Variants in TANC2 observed in about 807,000 individuals in gnomAD.
The protein encoded by TANC2 is protein TANC2.
A neutral mutation model predicts 210.5 loss-of-function variants in TANC2; 26 were observed. The observed-to-expected ratio is 0.12, with a 90% CI of 0.09 to 0.17. The LOEUF (loss-of-function observed/expected upper bound fraction) is 0.17. Ranked by LOEUF, TANC2 falls within the 10% of genes least tolerant of loss-of-function variation. TANC2 has a pLI of 1.00. For synonymous variants in TANC2, 931 were observed against 967.1 expected, an observed-to-expected ratio of 0.96 and a Z score of 0.69; for missense variants, 2,129 against 2,608.9, an observed-to-expected ratio of 0.82 and a Z score of 4.01.
In TANC2 at chr17:63,372,162, C is replaced by G. The variant is rs981527639; in HGVS notation, c.2583-7556C>G. On this transcript the variant is annotated intron_variant, in intron 14 of 27. Transcript: ENST00000689528. ...AGATTTACTATCCTCCTGAAAACCTCTGGTCTACATGAGAAATTTATATTC... is the reference window on the plus strand; with the variant it reads ...AGATTTACTATCCTCCTGAAAACCTGTGGTCTACATGAGAAATTTATATTC... 2.6e-5 allele frequency among the ~76,000 whole-genome samples: 4 copies of G among 152,214 alleles called. No individual in the cohort carries two copies. The East Asian group carries it at 7.7e-4, about 29-fold the overall frequency.
At chr17:63,318,318 A>C (rs2045379568) in intron 10 of TANC2, among the ~76,000 whole-genome samples, 1 of 152,234 alleles carries the variant, frequency 6.6e-6, no homozygotes, top group Non-Finnish European at 1.5e-5. Flanking sequence ...AAAAAATCTT[A>C]AAACAGTTTT....
At position 63,190,502 on chromosome 17, in the gene TANC2, C is replaced by G. The variant is rs76661716; in HGVS notation, c.434-3489C>G. Among the ~76,000 whole-genome samples, 1,504 of 152,134 alleles carry G rather than the reference C, an allele frequency of 9.9e-3. 34 individuals are homozygous for G. The highest frequency in any genetic ancestry group is 0.034 in the African/African-American group (1,431 of 41,500). Reference sequence around the variant, plus strand: ...ATGTGAGTCTTCCAACTCTGTTCTTCTTTTTAAAGGTTGTTTTTTAATTTT... The same window carrying G: ...ATGTGAGTCTTCCAACTCTGTTCTTGTTTTTAAAGGTTGTTTTTTAATTTT... On this transcript the variant is annotated intron_variant, in intron 5 of 27. Coordinates refer to ENST00000689528, the Ensembl canonical transcript of TANC2.
intron 4 of TANC2, chr17:63,150,931 A>G (rs774968906): frequency 1.3e-5 from 2 of 152,180 alleles, no homozygotes; most frequent in Admixed American, 1.3e-4. Context: ...AAGGTAACAG[A>G]CAATCACAAT....
At position 63,420,312 on chromosome 17, in the gene TANC2, C is replaced by G; in HGVS notation, c.4582C>G (p.Pro1528Ala). The G allele has an allele frequency of 1.9e-6, 3 of 1,613,848 alleles. No homozygotes were observed. Among genetic ancestry groups the G allele is most frequent in the Non-Finnish European group, 1.7e-6 (2 of 1,179,852 alleles). ...GGGGCTCCCGGTCATCCAGAGCCCA[C>G]CCTCCTCTCCCCCGCATCGGGACTC... is the stretch of plus-strand genomic sequence containing the variant. The change falls in exon 28 of 28, where the codon CCC (proline) becomes GCC (alanine). Residue 1528 changes from proline to alanine, a missense_variant. Pro to Ala is a conservative substitution (Grantham distance 27). This residue lies in a region of TANC2 where 584 missense variants were observed against 627.3 expected (regional missense o/e 0.93). Transcript: ENST00000689528. The surrounding 1 kb of genome is among the most constrained non-coding windows in gnomAD (Gnocchi z 4.2).
chr17:62,992,787 A>C (rs564273742), intron 1 of TANC2, among the ~76,000 whole-genome samples: 108 of 152,196 alleles, frequency 7.1e-4, no homozygotes, highest in Middle Eastern at 3.2e-3. Flanking sequence ...CTACTATTAT[A>C]ATTTGTTTCC....
intron 9 of TANC2, 78 bp downstream of exon 9, chr17:63,267,951 C>T: frequency 6.7e-7 from 1 of 1,492,872 alleles, no homozygotes; most frequent in East Asian, 2.4e-5. Flanking sequence ...GCTTTGTCTC[C>T]TATTCCCATA....
rs182678253 is a variant in TANC2 at position 63,396,122 on chromosome 17, T to C, written c.3237+194T>C. The C allele has an allele frequency of 5.0e-5, 29 of 579,044 alleles. No individual in the cohort carries two copies. The Admixed American group carries it at 6.4e-4, about 13-fold the overall frequency. The allele number at this position is 579,044 out of a possible 1,614,324, so 35.9% of individuals were successfully genotyped here. ...GCCAAAGTCCCTCAAATTATAGGTA[T>C]AGAAAGGTGCGAGTTGGAAAGGACC... is the stretch of plus-strand genomic sequence containing the variant. On this transcript the variant is annotated intron_variant, in intron 18 of 27. Transcript: ENST00000689528.
chr17:63,054,929 T>C (rs1179982623), intron 2 of TANC2, among the ~76,000 whole-genome samples: 2 of 152,154 alleles, frequency 1.3e-5, no homozygotes, highest in Non-Finnish European at 2.9e-5. Context: ...TATTTTAGTT[T>C]CTAGAGTATT....
chr17:63,113,020 A>C (rs146665672), intron 4 of TANC2, among the ~76,000 whole-genome samples: 4 of 152,290 alleles, frequency 2.6e-5, no homozygotes, highest in African/African-American at 9.6e-5. Context: ...CCTGCTATGG[A>C]ATGTGAGCAG....
At chr17:63,102,117 A>G (rs113059933) in intron 4 of TANC2, among the ~76,000 whole-genome samples, 183 of 152,258 alleles carry the variant, frequency 1.2e-3, no homozygotes, top group African/African-American at 4.3e-3. Context: ...CCTGGACAAC[A>G]TAATGAGACC....
At chr17:63,367,216 A>G (rs1222648327) in intron 14 of TANC2, among the ~76,000 whole-genome samples, 1 of 152,190 alleles carries the variant, frequency 6.6e-6, no homozygotes, top group African/African-American at 2.4e-5. Context: ...CTTCTCCTCT[A>G]CACCAAGGAC....
intron 9 of TANC2, among the ~76,000 whole-genome samples, chr17:63,280,112 C>T (rs537933880): frequency 6.6e-6 from 1 of 151,956 alleles, no homozygotes; most frequent in African/African-American, 2.4e-5. Flanking sequence ...AGATTTCATC[C>T]AAGTCCTTTG....
At chr17:63,189,376 C>T (rs2041110023) in intron 5 of TANC2, among the ~76,000 whole-genome samples, 2 of 152,176 alleles carry the variant, frequency 1.3e-5, no homozygotes, top group African/African-American at 4.8e-5. Flanking sequence ...TTTTACATTG[C>T]TACCATTATT....
intron 2 of TANC2, among the ~76,000 whole-genome samples, chr17:63,018,053 A>G (rs2143952946): frequency 6.6e-6 from 1 of 152,216 alleles, no homozygotes; most frequent in South Asian, 2.1e-4. Context: ...TGACCCTGGG[A>G]GTTGTTTGAG....
At chr17:63,315,964 G>C (rs546175553) in intron 10 of TANC2, among the ~76,000 whole-genome samples, 50 of 152,286 alleles carry the variant, frequency 3.3e-4, no homozygotes, top group African/African-American at 1.2e-3. Flanking sequence ...AAGCTCTTCT[G>C]AGGTAGATTG....
chr17:63,289,375 G>A (rs531409779), intron 9 of TANC2, among the ~76,000 whole-genome samples: 7 of 150,874 alleles, frequency 4.6e-5, no homozygotes, highest in African/African-American at 1.5e-4. Context: ...TTCAGTCTTC[G>A]TTCTCTTCGT....
Position 63,063,674 on chromosome 17 carries a change from T to TTGTGTGTG in TANC2, c.68-10251_68-10244dup, listed in dbSNP as rs371281397. 1.9e-3 allele frequency among the ~76,000 whole-genome samples: 261 copies of TTGTGTGTG among 137,496 alleles called. 4 individuals are homozygous for TTGTGTGTG. Among genetic ancestry groups the TTGTGTGTG allele is most frequent in the African/African-American group, 5.4e-3 (200 of 36,912 alleles). The allele number at this position is 137,496 out of a possible 152,430, so 90.2% of individuals were successfully genotyped here. A position where few individuals can be genotyped will look rare whatever the true frequency, so the allele number is the denominator to read the frequency against. ...CAATATCACACTTTGTTACCCAGTA[T>TTGTGTGTG]TGTGTGTGTGTGTGTGTGTGTGTGT... On this transcript the variant is annotated intron_variant, in intron 2 of 27. Transcript: ENST00000689528.
intron 1 of TANC2, among the ~76,000 whole-genome samples, chr17:62,999,200 C>A (rs968812293): frequency 2.6e-5 from 4 of 152,026 alleles, no homozygotes; most frequent in Non-Finnish European, 5.9e-5. Flanking sequence ...GTGGCACCTC[C>A]CCCCAACACA....
chr17:62,982,838 G>A (rs781420344), intron 1 of TANC2, among the ~76,000 whole-genome samples: 29 of 152,016 alleles, frequency 1.9e-4, no homozygotes, highest in Admixed American at 3.9e-4. Flanking sequence ...TTTTTATGTC[G>A]GTACCATGCT....
Sources: allele counts gnomAD v4.1 joint callset (sites outside exome capture counted in the v4.1 genomes callset), GRCh38; gene constraint gnomAD v4.1.1; regional missense constraint gnomAD v4.1.1; non-coding constraint Gnocchi (gnomAD v3.1); transcripts MANE v1.5; gene names NCBI Gene and HGNC (gene_info 2026-07-23, HGNC 2026-07-21).